Variants in CTNNBL1 observed in about 807,000 individuals in gnomAD.
The protein encoded by CTNNBL1 is beta-catenin-like protein 1.
A neutral mutation model predicts 72.7 loss-of-function variants in CTNNBL1; 31 were observed. That is an observed-to-expected ratio of 0.43 (90% CI 0.32 to 0.58). The LOEUF is 0.58. Among genes scored for constraint, CTNNBL1 ranks in the 20% least tolerant of loss-of-function variants. CTNNBL1 has a pLI of 0.08. For missense variants in CTNNBL1, 534 were observed against 725.1 expected (o/e 0.74, Z 3.03); for synonymous variants, 240 against 267.3 (o/e 0.90, Z 1.00).
intron 6 of CTNNBL1, among the ~76,000 whole-genome samples, chr20:37,766,430 A>G (rs768018242): frequency 1.3e-5 from 2 of 152,164 alleles, no homozygotes; most frequent in African/African-American, 2.4e-5. Context: ...AGGGTAGATT[A>G]TGGTGAAGTA....
chr20:37,777,767 G>GCTTT, intron 9 of CTNNBL1, 55 bp downstream of exon 9: 2 of 1,547,540 alleles, frequency 1.3e-6, no homozygotes, highest in Non-Finnish European at 1.8e-6. Flanking sequence ...TGCTTTGAAT[G>GCTTT]GGAGGTGGAG....
intron 10 of CTNNBL1, among the ~76,000 whole-genome samples, chr20:37,797,107 T>C (rs1382394304): frequency 6.6e-6 from 1 of 152,184 alleles, no homozygotes. Flanking sequence ...TATTATTTAT[T>C]TATTTTTTGT....
chr20:37,721,183 G>A (rs1437584324), intron 1 of CTNNBL1, among the ~76,000 whole-genome samples: 1 of 152,172 alleles, frequency 6.6e-6, no homozygotes, highest in East Asian at 1.9e-4. Flanking sequence ...TTTTCCTATA[G>A]CAAGGCTTCC....
At chr20:37,829,580 C>T (rs1374712555) in intron 11 of CTNNBL1, among the ~76,000 whole-genome samples, 1 of 152,124 alleles carries the variant, frequency 6.6e-6, no homozygotes, top group Non-Finnish European at 1.5e-5. Flanking sequence ...CCTTCCTTCC[C>T]TCCTGCGACA....
At chr20:37,819,123 A>T (rs1430650868) in intron 11 of CTNNBL1, among the ~76,000 whole-genome samples, 2 of 152,232 alleles carry the variant, frequency 1.3e-5, no homozygotes, top group Admixed American at 1.3e-4. Flanking sequence ...TTGACTTGAC[A>T]AAAGTGCATT....
rs563714876 is a variant in CTNNBL1 at position 37,775,386 on chromosome 20, C to T, written c.751-1959C>T. Reference sequence around the variant, plus strand: ...GCAGCTCCACAAAGATATGATGTCACCAGAAGAAATGTAACTTGAGCTCCT... The same window carrying T: ...GCAGCTCCACAAAGATATGATGTCATCAGAAGAAATGTAACTTGAGCTCCT... On this transcript the variant is annotated intron_variant, in intron 7 of 15. Transcript: ENST00000361383. Among the ~76,000 whole-genome samples, 4 of 152,242 alleles carry T rather than the reference C, an allele frequency of 2.6e-5. No individual in the cohort carries two copies. The South Asian group carries it at 6.2e-4, about 24-fold the overall frequency.
intron 15 of CTNNBL1, among the ~76,000 whole-genome samples, chr20:37,871,427 CG>C (rs2072583732): frequency 6.6e-6 from 1 of 152,076 alleles, no homozygotes; most frequent in Admixed American, 6.5e-5. Flanking sequence ...TGCTGAGGGC[CG>C]TCCTATTGCA....
At chr20:37,751,685 G>C (rs1016854422) in intron 4 of CTNNBL1, 1 of 152,204 alleles carries the variant, frequency 6.6e-6, no homozygotes, top group Admixed American at 6.5e-5. Context: ...AGTAGTCAAG[G>C]GTGCCTTGTG....
chr20:37,792,980 A>G (rs2073738704), intron 10 of CTNNBL1, among the ~76,000 whole-genome samples: 1 of 152,206 alleles, frequency 6.6e-6, no homozygotes, highest in African/African-American at 2.4e-5. Context: ...TTCTACTTTC[A>G]TACCATTCAT....
At chr20:37,865,022 C>T (rs189198523) in intron 15 of CTNNBL1, among the ~76,000 whole-genome samples, 2 of 152,288 alleles carry the variant, frequency 1.3e-5, no homozygotes, top group East Asian at 1.9e-4. Flanking sequence ...GTGATGTAAA[C>T]TGGATCCAGA....
At position 37,749,676 on chromosome 20, in the gene CTNNBL1, G is replaced by T. The variant is rs148334008; in HGVS notation, c.466+3069G>T. 9.2e-5 allele frequency among the ~76,000 whole-genome samples: 14 copies of T among 152,102 alleles called. No homozygotes were observed. The East Asian group carries it at 2.7e-3, about 29-fold the overall frequency. ...TTTTAAATTACCTTAATTTTAATTA[G>T]AGGCAGCAAATAGGGGTAAATGTCA... On this transcript the variant is annotated intron_variant, in intron 4 of 15. Coordinates refer to ENST00000361383, the MANE Select transcript of CTNNBL1 (RefSeq NM_030877.5).
intron 1 of CTNNBL1, among the ~76,000 whole-genome samples, chr20:37,703,839 A>G (rs533776548): frequency 1.2e-4 from 18 of 149,890 alleles, no homozygotes; most frequent in African/African-American, 4.4e-4. Context: ...GTGCAATGGC[A>G]TGATCTCGGC....
At chr20:37,733,096 A>G (rs1568755892) in intron 2 of CTNNBL1, 29 bp downstream of exon 2, 1 of 1,603,292 alleles carries the variant, frequency 6.2e-7, no homozygotes, top group Non-Finnish European at 8.5e-7. Flanking sequence ...GTGGGAGCTG[A>G]GATGGCTGGC....
intron 1 of CTNNBL1, among the ~76,000 whole-genome samples, chr20:37,701,800 T>G (rs1445847595): frequency 6.6e-6 from 1 of 151,968 alleles, no homozygotes; most frequent in Non-Finnish European, 1.5e-5. Flanking sequence ...ATGTGTGGCG[T>G]AATACATCGT....
intron 1 of CTNNBL1, among the ~76,000 whole-genome samples, chr20:37,710,342 G>T (rs917829249): frequency 1.1e-4 from 17 of 152,236 alleles, no homozygotes; most frequent in African/African-American, 4.1e-4. Context: ...TGTTTGATAT[G>T]ATATCTAACC....
chr20:37,768,032 G>A lies in CTNNBL1; in HGVS notation c.738G>A (p.Leu246=), dbSNP rs1356546087. 2 of 1,613,922 alleles carry A rather than the reference G, an allele frequency of 1.2e-6. No individual in the cohort carries two copies. The highest frequency in any genetic ancestry group is 3.3e-5 in the Admixed American group (2 of 60,010). The change falls in exon 7 of 16, where the codon TTG becomes TTA. Residue 246 remains leucine, a synonymous_variant. Transcript: ENST00000361383. ...GAQQGLLQWL[L]KRLKAKMPFD... ...AGCAGGGTCTTCTACAGTGGCTGTTGAAGAGGCTGAAGGTGAGTTTGGCTG... is the reference window on the plus strand; with the variant it reads ...AGCAGGGTCTTCTACAGTGGCTGTTAAAGAGGCTGAAGGTGAGTTTGGCTG...
intron 1 of CTNNBL1, among the ~76,000 whole-genome samples, chr20:37,730,319 G>A (rs780441896): frequency 2.6e-5 from 4 of 152,204 alleles, no homozygotes; most frequent in Non-Finnish European, 4.4e-5. Flanking sequence ...ATCAGATAAA[G>A]AAATCTCATT....
At chr20:37,803,353 G>A (rs1294556395) in intron 11 of CTNNBL1, among the ~76,000 whole-genome samples, 1 of 152,154 alleles carries the variant, frequency 6.6e-6, no homozygotes, top group African/African-American at 2.4e-5. Context: ...TCTGATGGAA[G>A]ACCCTTTTGA....
At chr20:37,697,154 G>C (rs909479673) in intron 1 of CTNNBL1, among the ~76,000 whole-genome samples, 1 of 151,862 alleles carries the variant, frequency 6.6e-6, no homozygotes, top group African/African-American at 2.4e-5. Context: ...TTGCACTCCA[G>C]CCTGGGCAAC....
Sources: allele counts gnomAD v4.1 joint callset (sites outside exome capture counted in the v4.1 genomes callset), GRCh38; gene constraint gnomAD v4.1.1; transcripts MANE v1.5; gene names NCBI Gene and HGNC (gene_info 2026-07-23, HGNC 2026-07-21).